HMGB1: variants seen among roughly 807,000 people sequenced by gnomAD.
HMGB1 encodes high mobility group box 1.
For synonymous variants in HMGB1, 81 were observed against 84.0 expected (o/e 0.96, Z 0.19); for missense variants, 79 against 253.5 (o/e 0.31, Z 4.67).
intron 1 of HMGB1, among the ~76,000 whole-genome samples, chr13:30,519,286 G>A (rs991042258): frequency 2.3e-4 from 35 of 151,700 alleles, no homozygotes; most frequent in Admixed American, 7.2e-4. Flanking sequence ...CCAGCTACTC[G>A]GGAGGCTGAG....
At chr13:30,471,909 C>A (rs1453901628) in intron 1 of HMGB1, among the ~76,000 whole-genome samples, 1 of 151,614 alleles carries the variant, frequency 6.6e-6, no homozygotes, top group East Asian at 2.0e-4. Context: ...TCAGGTGATC[C>A]GCCCGCCTAA....
At chr13:30,524,786 T>C (rs890159467) in intron 1 of HMGB1, among the ~76,000 whole-genome samples, 1 of 58,032 alleles carries the variant, frequency 1.7e-5, no homozygotes, top group Admixed American at 2.2e-4. Flanking sequence ...GTTACCAATA[T>C]TTATGTCTGT....
At chr13:30,537,652 CATATAT>C (rs58424009) in intron 1 of HMGB1, among the ~76,000 whole-genome samples, 726 of 67,902 alleles carry the variant, frequency 0.011, 4 homozygotes, top group South Asian at 0.027. Flanking sequence ...CATTCTTGTT[CATATAT>C]ATATATATAT....
chr13:30,518,230 G>A (rs1302597687), intron 1 of HMGB1, among the ~76,000 whole-genome samples: 3 of 152,180 alleles, frequency 2.0e-5, no homozygotes, highest in Non-Finnish European at 4.4e-5. Context: ...CCATCTACTT[G>A]AGATGCCAAG....
chr13:30,556,309 C>T (rs1458937124), intron 1 of HMGB1, among the ~76,000 whole-genome samples: 2 of 152,144 alleles, frequency 1.3e-5, no homozygotes, highest in East Asian at 3.8e-4. Flanking sequence ...AGAGCTGAGG[C>T]AGGAGAATTG....
intron 1 of HMGB1, among the ~76,000 whole-genome samples, chr13:30,584,238 C>T (rs2137545819): frequency 6.6e-6 from 1 of 152,286 alleles, no homozygotes; most frequent in South Asian, 2.1e-4. Context: ...CATCTTTCAG[C>T]CACAAGACCT....
Position 30,463,711 on chromosome 13 carries a change from A to C in HMGB1, c.-14-17T>G, listed in dbSNP as rs370567500. 2.0e-6 allele frequency: 3 copies of C among 1,478,416 alleles called. No individual in the cohort carries two copies. The highest frequency in any genetic ancestry group is 2.0e-5 in the Admixed American group (1 of 49,656). The allele number at this position is 1,478,416 out of a possible 1,614,324, so 91.6% of individuals were successfully genotyped here. A position where few individuals can be genotyped will look rare whatever the true frequency, so the allele number is the denominator to read the frequency against. On this transcript the variant is annotated splice_polypyrimidine_tract_variant and intron_variant, in intron 1 of 4. Transcript: ENST00000341423. ...GTTATTTTTCTAAAAAATAAAATAA[A>C]TATTTGATGTTAGCAATAAAATTAT... is the stretch of plus-strand genomic sequence containing the variant.
At chr13:30,473,196 G>A (rs927762428) in intron 1 of HMGB1, among the ~76,000 whole-genome samples, 3 of 152,156 alleles carry the variant, frequency 2.0e-5, no homozygotes, top group Non-Finnish European at 4.4e-5. Flanking sequence ...TCCTGCCTCA[G>A]CCCGAGTTTT....
chr13:30,519,067 A>T (rs79419248), intron 1 of HMGB1, among the ~76,000 whole-genome samples: 4,153 of 151,956 alleles, frequency 0.027, 85 homozygotes, highest in Non-Finnish European at 0.037. Flanking sequence ...GTGTCAACAA[A>T]TTTCAATGCT....
chr13:30,496,595 C>G lies in HMGB1; in HGVS notation c.-14-32901G>C, dbSNP rs146439586. ...CCAAGAAAGCAGCGTCCTAGCTTGC[C>G]TTTCTCTAGGCAGCTAAAAATCTAA... On this transcript the variant is annotated intron_variant, in intron 1 of 4. Coordinates refer to the HMGB1 transcript ENST00000405805. Among the ~76,000 whole-genome samples the G allele has an allele frequency of 7.2e-3, 1,093 of 152,284 alleles. 6 individuals carry two copies. The highest frequency in any genetic ancestry group is 0.034 in the Middle Eastern group (10 of 294).
intron 1 of HMGB1, among the ~76,000 whole-genome samples, chr13:30,607,912 A>C (rs1207579912): frequency 6.6e-6 from 1 of 152,212 alleles, no homozygotes; most frequent in East Asian, 1.9e-4. Context: ...GTATACAGTG[A>C]AATTAACATG....
At chr13:30,617,167 G>A (rs1293533625) in exon 1 of HMGB1, 2 of 152,244 alleles carry the variant, frequency 1.3e-5, no homozygotes, top group Non-Finnish European at 2.9e-5. Flanking sequence ...TGACTAGTCA[G>A]AACGGGTCGT....
chr13:30,550,396 G>A (rs1869369261), intron 1 of HMGB1, among the ~76,000 whole-genome samples: 1 of 152,220 alleles, frequency 6.6e-6, no homozygotes, highest in South Asian at 2.1e-4. Context: ...TTACCAGTGT[G>A]AGCAGTGCTA....
At chr13:30,543,694 C>A (rs1869018028) in intron 1 of HMGB1, among the ~76,000 whole-genome samples, 1 of 152,084 alleles carries the variant, frequency 6.6e-6, no homozygotes, top group Non-Finnish European at 1.5e-5. Flanking sequence ...TCAACTAGGG[C>A]AGGGATGCTA....
chr13:30,564,769 G>T (rs534736638), intron 1 of HMGB1, among the ~76,000 whole-genome samples: 1 of 152,152 alleles, frequency 6.6e-6, no homozygotes, highest in Non-Finnish European at 1.5e-5. Context: ...ATAAACAACT[G>T]TACTCTATGA....
intron 1 of HMGB1, among the ~76,000 whole-genome samples, chr13:30,525,553 G>A (rs1888343213): frequency 6.6e-6 from 1 of 152,130 alleles, no homozygotes; most frequent in South Asian, 2.1e-4. Flanking sequence ...CAAGAATATT[G>A]AGGTTCTTAA....
chr13:30,591,795 G>C (rs1593332187), intron 1 of HMGB1, among the ~76,000 whole-genome samples: 1 of 152,266 alleles, frequency 6.6e-6, no homozygotes, highest in Non-Finnish European at 1.5e-5. Flanking sequence ...ATTTTTAAAT[G>C]TAAGACTACC....
intron 2 of HMGB1, 47 bp from the exon 3 acceptor site, chr13:30,463,399 T>C: frequency 6.4e-7 from 1 of 1,558,540 alleles, no homozygotes; most frequent in Non-Finnish European, 8.7e-7. Flanking sequence ...TTTAAGTAAA[T>C]TATCCTCAAA....
chr13:30,537,356 AC>A (rs1262544624), intron 1 of HMGB1, among the ~76,000 whole-genome samples: 1 of 152,042 alleles, frequency 6.6e-6, no homozygotes, highest in Non-Finnish European at 1.5e-5. Flanking sequence ...AGTATAACAT[AC>A]AGAAGAGCAC....
Sources: allele counts gnomAD v4.1 joint callset (sites outside exome capture counted in the v4.1 genomes callset), GRCh38; gene constraint gnomAD v4.1.1; transcripts MANE v1.5; gene names NCBI Gene and HGNC (gene_info 2026-07-23, HGNC 2026-07-21).